The following ESR1 variants were observed in gnomAD, a reference collection of about 807,000 sequenced individuals.
ESR1 encodes estrogen receptor 1, also known as estrogen receptor.
In ESR1, 12 loss-of-function variants were observed where a neutral mutation model predicts 52.7. The observed-to-expected ratio is 0.23, with a 90% confidence interval of 0.15 to 0.37. The LOEUF (loss-of-function observed/expected upper bound fraction) is 0.37. Among genes scored for constraint, ESR1 ranks in the 10% least tolerant of loss-of-function variants. The pLI is 1.00. For missense variants in ESR1, 584 were observed against 779.7 expected (o/e 0.75, Z 2.99); for synonymous variants, 305 against 316.8 (o/e 0.96, Z 0.39).
chr6:152,027,225 A>G (rs984375417), intron 5 of ESR1, among the ~76,000 whole-genome samples: 18 of 152,096 alleles, frequency 1.2e-4, no homozygotes, highest in Non-Finnish European at 2.4e-4. Flanking sequence ...TCAGTCTCCC[A>G]CAGTGCTGGG....
intron 2 of ESR1, among the ~76,000 whole-genome samples, chr6:151,780,223 G>A (rs1786419535): frequency 6.6e-6 from 1 of 151,984 alleles, no homozygotes; most frequent in Admixed American, 6.6e-5. Context: ...TGGGGGTCAA[G>A]GGGAAGAATA....
intron 4 of ESR1, among the ~76,000 whole-genome samples, chr6:151,974,824 C>T (rs372859688): frequency 6.6e-6 from 1 of 152,112 alleles, no homozygotes; most frequent in South Asian, 2.1e-4. Flanking sequence ...TCCCCAAAGC[C>T]GTCTTCACTA....
chr6:151,772,633 A>G (rs1273855837), intron 2 of ESR1, among the ~76,000 whole-genome samples: 2 of 152,218 alleles, frequency 1.3e-5, no homozygotes, highest in African/African-American at 4.8e-5. Flanking sequence ...AGGGCCAAGA[A>G]GGATGGGAGC....
chr6:151,727,959 T>G (rs956482710), intron 2 of ESR1, among the ~76,000 whole-genome samples: 1 of 152,204 alleles, frequency 6.6e-6, no homozygotes. Context: ...TTACCCAGTC[T>G]CAGGCAGTTC....
chr6:151,664,748 A>G (rs1777761999), intron 1 of ESR1, among the ~76,000 whole-genome samples: 1 of 152,176 alleles, frequency 6.6e-6, no homozygotes, highest in Admixed American at 6.5e-5. Flanking sequence ...TCTTTTTCAC[A>G]CTAAACAGCA....
At chr6:152,014,173 G>T (rs1245211974) in intron 5 of ESR1, among the ~76,000 whole-genome samples, 1 of 152,122 alleles carries the variant, frequency 6.6e-6, no homozygotes, top group East Asian at 1.9e-4. Flanking sequence ...AAGGAACTGT[G>T]AGTCCATTAA....
intron 6 of ESR1, among the ~76,000 whole-genome samples, chr6:152,073,953 A>G (rs1479228249): frequency 6.6e-6 from 1 of 152,088 alleles, no homozygotes; most frequent in Non-Finnish European, 1.5e-5. Flanking sequence ...TTATTTTTAA[A>G]GACTTTATTT....
At position 151,880,764 on chromosome 6, in the gene ESR1, GA is replaced by G; in HGVS notation, c.756del (p.Gly253ValfsTer13). The G allele has an allele frequency of 6.4e-7, 1 of 1,567,346 alleles. No homozygotes were observed. The highest frequency in any genetic ancestry group is 1.1e-5 in the South Asian group (1 of 90,094). On this transcript the variant is annotated frameshift_variant, in exon 3 of 8. Transcript: ENST00000206249. LOFTEE classifies it high-confidence loss of function. ...LRKCYEVGMM[K>X]GGIRKDRRGG... is the part of the protein sequence containing the mutation. The stretch of plus-strand genomic sequence containing the variant: ...GTAAATGCTACGAAGTGGGAATGAT[GA>G]AAGGTGGTAGGTACATCTCTCCCAG...
intron 3 of ESR1, among the ~76,000 whole-genome samples, chr6:151,922,276 C>T (rs1406707605): frequency 2.6e-5 from 4 of 152,108 alleles, no homozygotes; most frequent in Non-Finnish European, 5.9e-5. Context: ...AAAATTGAAA[C>T]TGGACCCCTT....
Position 152,076,187 on chromosome 6 carries a change from T to C in ESR1, c.1369+15063T>C, listed in dbSNP as rs149711916. Among the ~76,000 whole-genome samples the C allele has an allele frequency of 2.0e-3, 299 of 152,326 alleles. 6 individuals are homozygous for C. The East Asian group carries it at 0.038, about 19-fold the overall frequency. ...TGGGAGGGACCCAGTGGGAGATCATTTGAATCATAGGAGTGGTTTCCTCCA... is the reference window on the plus strand; with the variant it reads ...TGGGAGGGACCCAGTGGGAGATCATCTGAATCATAGGAGTGGTTTCCTCCA... On this transcript the variant is annotated intron_variant, in intron 6 of 7. Transcript: ENST00000206249.
intron 5 of ESR1, among the ~76,000 whole-genome samples, chr6:152,026,371 C>T (rs764342831): frequency 4.2e-4 from 64 of 151,878 alleles, no homozygotes; most frequent in Non-Finnish European, 7.7e-4. Context: ...GAATTTTACC[C>T]TATCTAATAT....
At chr6:151,843,540 A>G (rs1264519876) in intron 2 of ESR1, among the ~76,000 whole-genome samples, 1 of 152,154 alleles carries the variant, frequency 6.6e-6, no homozygotes, top group Non-Finnish European at 1.5e-5. Flanking sequence ...CATTTTTACT[A>G]CCTAAAATAC....
At chr6:151,955,056 A>G (rs2128570149) in intron 4 of ESR1, among the ~76,000 whole-genome samples, 1 of 152,352 alleles carries the variant, frequency 6.6e-6, no homozygotes, top group African/African-American at 2.4e-5. Flanking sequence ...TCTAACATAT[A>G]CATGTCAAAA....
chr6:151,767,600 C>A (rs147172432), intron 2 of ESR1, among the ~76,000 whole-genome samples: 79 of 152,168 alleles, frequency 5.2e-4, no homozygotes, highest in Middle Eastern at 3.4e-3. Context: ...CTGAATACAG[C>A]GTGATAGGTA....
chr6:152,015,504 C>A (rs940117138), intron 5 of ESR1, among the ~76,000 whole-genome samples: 1 of 152,156 alleles, frequency 6.6e-6, no homozygotes, highest in African/African-American at 2.4e-5. Context: ...TTCTTGTGGT[C>A]AAAAACCAGA....
chr6:152,111,758 T>C (rs2051138916), intron 6 of ESR1, among the ~76,000 whole-genome samples: 1 of 152,094 alleles, frequency 6.6e-6, no homozygotes, highest in Admixed American at 6.5e-5. Flanking sequence ...TCTCGGTAGC[T>C]GCTTTACACG....
chr6:151,806,480 A>G (rs1777847682), upstream of ESR1, among the ~76,000 whole-genome samples: 2 of 146,340 alleles, frequency 1.4e-5, no homozygotes, highest in South Asian at 4.4e-4. Flanking sequence ...TAAACTATCC[A>G]AGATTATAGA....
intron 2 of ESR1, among the ~76,000 whole-genome samples, chr6:151,713,494 T>G (rs536392931): frequency 6.6e-6 from 1 of 152,350 alleles, no homozygotes; most frequent in Non-Finnish European, 1.5e-5. Context: ...GGTAGGCTAT[T>G]AATTCCTGCC....
At chr6:151,918,916 C>G (rs1466829465) in intron 3 of ESR1, among the ~76,000 whole-genome samples, 2 of 152,128 alleles carry the variant, frequency 1.3e-5, no homozygotes, top group African/African-American at 2.4e-5. Flanking sequence ...TAACTTATTT[C>G]TTTTATTTAG....
Sources: gnomAD v4.1 joint callset for allele counts (sites outside exome capture counted in the v4.1 genomes callset) on GRCh38, gnomAD v4.1.1 for gene constraint, MANE v1.5 for transcripts, NCBI Gene and HGNC (gene_info 2026-07-23, HGNC 2026-07-21) for gene names.